TYR: variants seen among roughly 807,000 people sequenced by gnomAD.
The protein encoded by TYR is LB24-AB.
Under a neutral mutation model 51.5 loss-of-function variants are expected in TYR, and 58 were observed. The ratio of observed to expected loss-of-function variants is 1.13; its 90% CI spans 0.91 to 1.40. The LOEUF (loss-of-function observed/expected upper bound fraction) is 1.40, where lower values mean the gene tolerates loss of function less well. TYR is among the 40% of genes most tolerant of loss of function. The pLI is 0.00. For synonymous variants in TYR, 263 were observed against 235.2 expected (o/e 1.12, Z -1.08); for missense variants, 732 against 647.4 (o/e 1.13, Z -1.42).
At chr11:89,248,782 G>A (rs1270637042) in intron 3 of TYR, among the ~76,000 whole-genome samples, 1 of 152,164 alleles carries the variant, frequency 6.6e-6, no homozygotes, top group Non-Finnish European at 1.5e-5. Flanking sequence ...TTACTCTATT[G>A]CATTGGTCTA....
chr11:89,282,604 C>T (rs1023884376), intron 3 of TYR, among the ~76,000 whole-genome samples: 1 of 151,530 alleles, frequency 6.6e-6, no homozygotes, highest in African/African-American at 2.4e-5. Context: ...GAGAAGAAAA[C>T]CATAAAAGTT....
intron 2 of TYR, among the ~76,000 whole-genome samples, chr11:89,216,647 C>CAAAAAAAAAAAAAAAAAAAAAA (rs11411684): frequency 6.2e-5 from 5 of 80,794 alleles, no homozygotes; most frequent in South Asian, 4.7e-4. Context: ...TTTTCCATCT[C>CAAAAAAAAAAAAAAAAAAAAAA]AAAAAAAAAA....
intron 3 of TYR, among the ~76,000 whole-genome samples, chr11:89,263,818 C>T (rs1448596946): frequency 2.0e-5 from 3 of 151,998 alleles, no homozygotes; most frequent in Non-Finnish European, 4.4e-5. Flanking sequence ...CTATAAAACA[C>T]TATTGAAAGA....
At chr11:89,246,850 T>G (rs1388407173) in intron 3 of TYR, among the ~76,000 whole-genome samples, 1 of 152,094 alleles carries the variant, frequency 6.6e-6, no homozygotes, top group Non-Finnish European at 1.5e-5. Context: ...GCAGATTGCT[T>G]CCCTGCTGGT....
Position 89,214,937 on chromosome 11 carries a change from C to CT in TYR, c.1037-12881dup, listed in dbSNP as rs1565400674. 2.0e-5 allele frequency among the ~76,000 whole-genome samples: 3 copies of CT among 152,150 alleles called. No homozygotes were observed. In the East Asian group the frequency reaches 5.8e-4, roughly 29 times the overall value. On this transcript the variant is annotated intron_variant, in intron 2 of 4. Transcript: ENST00000263321. ...AGCTGCTTATTCTTCCCTAAGCCTT[C>CT]TTTTTCTCACCATAAAATGGTGCTA... is the stretch of plus-strand genomic sequence containing the variant.
At chr11:89,184,284 T>C (rs1943338645) in intron 1 of TYR, among the ~76,000 whole-genome samples, 1 of 152,156 alleles carries the variant, frequency 6.6e-6, no homozygotes, top group Non-Finnish European at 1.5e-5. Flanking sequence ...CTGAGTTGGC[T>C]GTAGGAGTCT....
intron 1 of TYR, among the ~76,000 whole-genome samples, chr11:89,190,933 G>A (rs907254180): frequency 1.3e-5 from 2 of 152,114 alleles, no homozygotes; most frequent in African/African-American, 4.8e-5. Flanking sequence ...TGTAGCCTAG[G>A]AGCAGTAGGT....
chr11:89,210,723 T>A (rs561207777), intron 2 of TYR, among the ~76,000 whole-genome samples: 6 of 152,182 alleles, frequency 3.9e-5, no homozygotes, highest in East Asian at 1.9e-4. Context: ...GAGAGAAAGG[T>A]TGGGTTACCC....
intron 1 of TYR, 42 bp from the exon 2 acceptor site, chr11:89,191,160 G>A (rs1031565924): frequency 1.9e-6 from 3 of 1,581,964 alleles, no homozygotes; most frequent in Non-Finnish European, 2.6e-6. Flanking sequence ...TACTGACTCA[G>A]TGGTGGTGAC....
At chr11:89,249,471 CA>C (rs35342940) in intron 3 of TYR, among the ~76,000 whole-genome samples, 202 of 69,778 alleles carry the variant, frequency 2.9e-3, no homozygotes, top group South Asian at 0.027. Flanking sequence ...GCCATGTAGC[CA>C]AAAAAAAAAA....
At chr11:89,287,588 T>C (rs1463364541) in intron 4 of TYR, among the ~76,000 whole-genome samples, 2 of 151,160 alleles carry the variant, frequency 1.3e-5, no homozygotes, top group East Asian at 2.0e-4. Context: ...ACTCCAGGGG[T>C]CAATGAAGTG....
chr11:89,203,006 T>C (rs1043303000), intron 2 of TYR, among the ~76,000 whole-genome samples: 1 of 152,192 alleles, frequency 6.6e-6, no homozygotes, highest in Non-Finnish European at 1.5e-5. Context: ...TTGATTCATA[T>C]AACATAAATA....
chr11:89,270,696 T>G (rs1352595654), intron 3 of TYR, among the ~76,000 whole-genome samples: 1 of 151,922 alleles, frequency 6.6e-6, no homozygotes, highest in African/African-American at 2.4e-5. Flanking sequence ...TTTAAAAAAT[T>G]TAATCTTAAA....
intron 3 of TYR, among the ~76,000 whole-genome samples, chr11:89,274,936 T>C (rs1944635045): frequency 6.6e-6 from 1 of 151,890 alleles, no homozygotes; most frequent in East Asian, 2.0e-4. Flanking sequence ...AAGTACTCTG[T>C]GGCCCTCCTC....
chr11:89,185,258 T>G (rs1434940385), intron 1 of TYR, among the ~76,000 whole-genome samples: 1 of 152,126 alleles, frequency 6.6e-6, no homozygotes, highest in Non-Finnish European at 1.5e-5. Context: ...TTTTAATGTA[T>G]ATGGAGATAT....
intron 2 of TYR, among the ~76,000 whole-genome samples, chr11:89,197,051 G>A (rs918365236): frequency 2.0e-5 from 3 of 152,164 alleles, no homozygotes; most frequent in Admixed American, 6.6e-5. Flanking sequence ...ATTTCCTAAG[G>A]AGGTGAAAAT....
At position 89,295,178 on chromosome 11, in the gene TYR, T is replaced by G. The variant is rs1195770904; in HGVS notation, c.1402T>G (p.Leu468Val). 6.2e-7 allele frequency: 1 copy of G among 1,613,976 alleles called. No individual in the cohort carries two copies. The highest frequency in any genetic ancestry group is 1.1e-5 in the South Asian group (1 of 91,074). ...DSFQDYIKSYLEQASRIWSWL... is the reference protein window; with the variant it reads ...DSFQDYIKSYVEQASRIWSWL... ...TTTTCAAGACTACATTAAGTCCTATTTGGAACAAGCGAGTCGGATCTGGTC... is the reference window on the plus strand; with the variant it reads ...TTTTCAAGACTACATTAAGTCCTATGTGGAACAAGCGAGTCGGATCTGGTC... The change falls in exon 5 of 5, where the codon TTG becomes GTG. Residue 468 changes from leucine (L) to valine (V), a missense_variant. Physicochemically the swap from Leu to Val is conservative, Grantham distance 32. Transcript: ENST00000263321.
At chr11:89,258,684 T>C (rs1944423209) in intron 3 of TYR, among the ~76,000 whole-genome samples, 1 of 152,132 alleles carries the variant, frequency 6.6e-6, no homozygotes, top group African/African-American at 2.4e-5. Flanking sequence ...GTATTTTTAT[T>C]GTACATTTAA....
At chr11:89,203,692 T>C (rs1410510265) in intron 2 of TYR, among the ~76,000 whole-genome samples, 1 of 152,122 alleles carries the variant, frequency 6.6e-6, no homozygotes, top group Non-Finnish European at 1.5e-5. Context: ...ATTTTCCTCA[T>C]ATATTCAAGA....
Sources: gnomAD v4.1 joint callset for allele counts (sites outside exome capture counted in the v4.1 genomes callset) on GRCh38, gnomAD v4.1.1 for gene constraint, MANE v1.5 for transcripts, NCBI Gene and HGNC (gene_info 2026-07-23, HGNC 2026-07-21) for gene names.